The following LCLAT1 variants were observed in gnomAD, a reference collection of about 807,000 sequenced individuals.
LCLAT1 encodes lysocardiolipin acyltransferase 1, also known as 1-AGP acyltransferase 8.
In LCLAT1, 11 loss-of-function variants were observed where a neutral mutation model predicts 30.7. That is an observed-to-expected ratio of 0.36 (90% CI 0.23 to 0.59). The LOEUF is 0.59. Among genes scored for constraint, LCLAT1 ranks in the 20% least tolerant of loss-of-function variants. LCLAT1 has a pLI of 0.77. For synonymous variants in LCLAT1, 155 were observed against 151.3 expected (o/e 1.02, Z -0.18); for missense variants, 402 against 458.6 (o/e 0.88, Z 1.13).
chr2:30,529,631 C>G (rs1685893314), intron 2 of LCLAT1, among the ~76,000 whole-genome samples: 1 of 152,080 alleles, frequency 6.6e-6, no homozygotes, highest in Non-Finnish European at 1.5e-5. Context: ...TAAATCATGC[C>G]TTAGGAATTT....
At chr2:30,525,337 A>G (rs1457435874) in intron 1 of LCLAT1, among the ~76,000 whole-genome samples, 1 of 152,134 alleles carries the variant, frequency 6.6e-6, no homozygotes, top group African/African-American at 2.4e-5. Context: ...TCAGCCTCCT[A>G]AAGTGCTGGG....
chr2:30,470,728 GT>G (rs1682738865), intron 1 of LCLAT1, among the ~76,000 whole-genome samples: 1 of 152,080 alleles, frequency 6.6e-6, no homozygotes, highest in South Asian at 2.1e-4. Context: ...CTTTTTCAGT[GT>G]TGTTTTGGCT....
At chr2:30,510,278 A>C (rs923640215) in intron 1 of LCLAT1, among the ~76,000 whole-genome samples, 2 of 152,160 alleles carry the variant, frequency 1.3e-5, no homozygotes, top group Non-Finnish European at 2.9e-5. Context: ...TCTTTTTAAA[A>C]GATTGTATGG....
intron 1 of LCLAT1, among the ~76,000 whole-genome samples, chr2:30,491,130 T>G (rs1205994870): frequency 2.6e-5 from 4 of 152,212 alleles, no homozygotes; most frequent in Non-Finnish European, 5.9e-5. Flanking sequence ...AGAAAGAAGG[T>G]ATAGTTTATA....
At position 30,568,041 on chromosome 2, in the gene LCLAT1, G is replaced by C. The variant is rs763465862; in HGVS notation, c.512-19G>C. On this transcript the variant is annotated intron_variant, in intron 4 of 5. Coordinates refer to ENST00000379509, the MANE Select transcript of LCLAT1 (RefSeq NM_001002257.3). ...TTCCCTTTAGTTTATGATTTATAAT[G>C]GTCCATTGTTTTGTTTAGAAAACAG... 7 of 1,233,776 alleles carry C rather than the reference G, an allele frequency of 5.7e-6. No homozygotes were observed. The highest frequency in any genetic ancestry group is 2.4e-5 in the East Asian group (1 of 42,430). The allele number at this position is 1,233,776 out of a possible 1,614,324, so 76.4% of individuals were successfully genotyped here.
chr2:30,473,915 A>G (rs1558460657), intron 1 of LCLAT1, among the ~76,000 whole-genome samples: 1 of 152,204 alleles, frequency 6.6e-6, no homozygotes, highest in Non-Finnish European at 1.5e-5. Context: ...ATTAGTTTAC[A>G]TGGGCAGTGG....
intron 1 of LCLAT1, among the ~76,000 whole-genome samples, chr2:30,488,864 A>G (rs1048658937): frequency 6.6e-6 from 1 of 152,356 alleles, no homozygotes; most frequent in Middle Eastern, 3.4e-3. Context: ...GGAATTAACA[A>G]ATGATGCTCA....
chr2:30,467,031 C>T (rs371507994), intron 1 of LCLAT1, among the ~76,000 whole-genome samples: 1 of 152,264 alleles, frequency 6.6e-6, no homozygotes, highest in Admixed American at 6.5e-5. Flanking sequence ...TGTTGGTGTG[C>T]TGCACTCGTT....
intron 1 of LCLAT1, among the ~76,000 whole-genome samples, chr2:30,469,764 C>A (rs984000058): frequency 6.6e-6 from 1 of 151,850 alleles, no homozygotes; most frequent in African/African-American, 2.4e-5. Context: ...GCATGTGCCA[C>A]CTGTGCCCAG....
At position 30,566,694 on chromosome 2, in the gene LCLAT1, A is replaced by G. The variant is rs561749117; in HGVS notation, c.512-1366A>G. Among the ~76,000 whole-genome samples the G allele has an allele frequency of 3.9e-5, 6 of 152,344 alleles. No homozygotes were observed. The East Asian group carries it at 1.2e-3, about 29-fold the overall frequency. Reference sequence around the variant, plus strand: ...AATGCAGCTGAGGATTGCGGGTTCTAACATCTGCTGTCATCAGAAAGTATT... The same window carrying G: ...AATGCAGCTGAGGATTGCGGGTTCTGACATCTGCTGTCATCAGAAAGTATT... On this transcript the variant is annotated intron_variant, in intron 4 of 5. Coordinates refer to ENST00000379509, the MANE Select transcript of LCLAT1 (RefSeq NM_001002257.3).
intron 1 of LCLAT1, among the ~76,000 whole-genome samples, chr2:30,518,424 T>G (rs1280977795): frequency 1.3e-5 from 2 of 152,086 alleles, no homozygotes; most frequent in Non-Finnish European, 2.9e-5. Context: ...TGCTCAAACG[T>G]GCGAGCTGTT....
At position 30,597,421 on chromosome 2, in the gene LCLAT1, C is replaced by T. The variant is rs953528963; in HGVS notation, c.628+29245C>T. ...TTTGTATCAGTTGTGAATGGGAATT[C>T]ATTTATGATTTGGCTCTCTGCTTGT... On this transcript the variant is annotated intron_variant, in intron 5 of 5. Transcript: ENST00000379509. Among the ~76,000 whole-genome samples, 86 of 152,116 alleles carry T rather than the reference C, an allele frequency of 5.7e-4. 1 individual carries two copies. Among genetic ancestry groups the T allele is most frequent in the Non-Finnish European group, 1.5e-4 (10 of 68,030 alleles).
In LCLAT1 at chr2:30,593,432, A is replaced by G. The variant is rs1666783550; in HGVS notation, c.628+25256A>G. Reference sequence around the variant, plus strand: ...ATGCATCTGTTTTTCTAGCAGTACCATGTTGTTTGGGTTACTCTAGCTTTG... The same window carrying G: ...ATGCATCTGTTTTTCTAGCAGTACCGTGTTGTTTGGGTTACTCTAGCTTTG... On this transcript the variant is annotated intron_variant, in intron 5 of 5. Coordinates refer to ENST00000379509, the MANE Select transcript of LCLAT1 (RefSeq NM_001002257.3). Among the ~76,000 whole-genome samples, 2 of 152,220 alleles carry G rather than the reference A, an allele frequency of 1.3e-5. 1 individual carries two copies.
intron 5 of LCLAT1, among the ~76,000 whole-genome samples, chr2:30,622,427 T>G (rs1238321607): frequency 6.6e-6 from 1 of 152,068 alleles, no homozygotes; most frequent in Non-Finnish European, 1.5e-5. Context: ...TAGGGCAAAC[T>G]TGTATCCTCC....
At chr2:30,561,926 T>A (rs527681258) in intron 3 of LCLAT1, among the ~76,000 whole-genome samples, 1 of 152,294 alleles carries the variant, frequency 6.6e-6, no homozygotes, top group African/African-American at 2.4e-5. Context: ...ATTTTGAGAA[T>A]TTTGCAAACC....
At chr2:30,621,164 T>C (rs1288107762) in intron 5 of LCLAT1, among the ~76,000 whole-genome samples, 1 of 152,204 alleles carries the variant, frequency 6.6e-6, no homozygotes, top group East Asian at 1.9e-4. Flanking sequence ...TTCTCCCTGC[T>C]TAAATTTTAG....
intron 1 of LCLAT1, among the ~76,000 whole-genome samples, chr2:30,451,426 G>C (rs1368612970): frequency 6.6e-6 from 1 of 152,204 alleles, no homozygotes; most frequent in Non-Finnish European, 1.5e-5. Flanking sequence ...ACTAATGCAT[G>C]TTAAACTAAA....
chr2:30,544,187 A>T (rs928607214), intron 3 of LCLAT1, among the ~76,000 whole-genome samples: 1 of 152,064 alleles, frequency 6.6e-6, no homozygotes, highest in African/African-American at 2.4e-5. Flanking sequence ...ATGAGCTCCC[A>T]CCAGTCTGTC....
chr2:30,563,654 G>A (rs904359402), intron 4 of LCLAT1, among the ~76,000 whole-genome samples: 1 of 152,116 alleles, frequency 6.6e-6, no homozygotes, highest in South Asian at 2.1e-4. Context: ...CAAATTTTTG[G>A]TAATAGACTA....
Sources: gnomAD v4.1 joint callset for allele counts (sites outside exome capture counted in the v4.1 genomes callset) on GRCh38, gnomAD v4.1.1 for gene constraint, MANE v1.5 for transcripts, NCBI Gene and HGNC (gene_info 2026-07-23, HGNC 2026-07-21) for gene names.